LRP1B: variants seen among roughly 807,000 people sequenced by gnomAD.
LRP1B encodes the protein low-density lipoprotein receptor-related protein 1B.
A neutral mutation model predicts 556.6 loss-of-function variants in LRP1B; 217 were observed. The observed-to-expected ratio is 0.39, with a 90% CI of 0.35 to 0.44. LRP1B has a LOEUF of 0.44. Ranked by LOEUF, LRP1B falls within the 20% of genes least tolerant of loss-of-function variation. The pLI is 1.00. For synonymous variants in LRP1B, 2,047 were observed against 1,865.8 expected (o/e 1.10, Z -2.50); for missense variants, 5,053 against 5,620.8 (o/e 0.90, Z 3.23).
At chr2:140,843,825 T>C (rs1393713461) in intron 29 of LRP1B, among the ~76,000 whole-genome samples, 1 of 152,216 alleles carries the variant, frequency 6.6e-6, no homozygotes, top group Non-Finnish European at 1.5e-5. Context: ...ACTTTGCTAA[T>C]ATATAACTAC....
chr2:141,462,377 C>T (rs1301038761), intron 3 of LRP1B, among the ~76,000 whole-genome samples: 2 of 152,032 alleles, frequency 1.3e-5, no homozygotes, highest in Non-Finnish European at 2.9e-5. Flanking sequence ...ATACATTCTC[C>T]TCCTATTGTA....
chr2:140,298,415 T>C (rs1390327345), intron 83 of LRP1B, among the ~76,000 whole-genome samples: 2 of 152,150 alleles, frequency 1.3e-5, no homozygotes, highest in Non-Finnish European at 2.9e-5. Flanking sequence ...ACATAAAACA[T>C]TAGATTACAC....
At chr2:140,774,397 C>T (rs188214977) in intron 33 of LRP1B, among the ~76,000 whole-genome samples, 14 of 152,228 alleles carry the variant, frequency 9.2e-5, no homozygotes, top group Non-Finnish European at 1.5e-4. Context: ...GTAAAGTACA[C>T]TGAGCATCAT....
chr2:140,987,164 G>T (rs567666570), intron 17 of LRP1B, among the ~76,000 whole-genome samples: 1 of 152,034 alleles, frequency 6.6e-6, no homozygotes, highest in South Asian at 2.1e-4. Flanking sequence ...AAAGCAAAAG[G>T]CATGTTTATT....
intron 6 of LRP1B, among the ~76,000 whole-genome samples, chr2:141,195,691 G>T (rs1232344783): frequency 6.6e-6 from 1 of 152,028 alleles, no homozygotes; most frequent in African/African-American, 2.4e-5. Flanking sequence ...GCTCATAAAT[G>T]AACCCTGAGA....
chr2:141,318,276 T>C (rs1573798123), intron 3 of LRP1B, among the ~76,000 whole-genome samples: 2 of 152,250 alleles, frequency 1.3e-5, no homozygotes, highest in East Asian at 1.9e-4. Flanking sequence ...AAATGTGCTA[T>C]GGATACAAAC....
intron 2 of LRP1B, among the ~76,000 whole-genome samples, chr2:141,754,524 G>A (rs1694250514): frequency 6.6e-6 from 1 of 152,070 alleles, no homozygotes; most frequent in Non-Finnish European, 1.5e-5. Context: ...TGTAAGTTTA[G>A]AACGCCATTC....
chr2:142,120,644 A>G (rs1033441109), intron 1 of LRP1B, among the ~76,000 whole-genome samples: 2 of 152,174 alleles, frequency 1.3e-5, no homozygotes, highest in Non-Finnish European at 2.9e-5. Flanking sequence ...TCATAGGCCA[A>G]TGCCTGTTTC....
At chr2:140,971,450 C>T (rs2091300) in intron 18 of LRP1B, among the ~76,000 whole-genome samples, 128,871 of 152,204 alleles carry the variant, frequency 0.85, 55,108 homozygotes, top group Non-Finnish European at 0.9. Context: ...TTTTAAGCCA[C>T]CACATTTGCA....
intron 1 of LRP1B, among the ~76,000 whole-genome samples, chr2:141,891,761 A>G (rs1296492806): frequency 6.6e-6 from 1 of 152,122 alleles, no homozygotes. Flanking sequence ...ACTTAGATAT[A>G]CATCTGCTAT....
intron 84 of LRP1B, among the ~76,000 whole-genome samples, chr2:140,284,514 T>C (rs1422460596): frequency 2.0e-5 from 3 of 151,622 alleles, no homozygotes; most frequent in South Asian, 4.1e-4. Flanking sequence ...TCTCACCTCA[T>C]CATAGTGAGA....
intron 62 of LRP1B, among the ~76,000 whole-genome samples, chr2:140,452,967 T>G (rs2105317293): frequency 6.7e-6 from 1 of 149,832 alleles, no homozygotes; most frequent in Non-Finnish European, 1.5e-5. Context: ...GTGTGTTTTT[T>G]TTTTTTTTTT....
At chr2:141,864,813 C>T (rs374958725) in intron 1 of LRP1B, among the ~76,000 whole-genome samples, 13 of 152,116 alleles carry the variant, frequency 8.5e-5, no homozygotes, top group African/African-American at 2.2e-4. Context: ...ATCCAGGAGG[C>T]GGAGGCTGCA....
chr2:141,770,222 A>G (rs550956902), intron 2 of LRP1B, among the ~76,000 whole-genome samples: 3 of 151,300 alleles, frequency 2.0e-5, no homozygotes, highest in African/African-American at 4.9e-5. Flanking sequence ...TTTTGCATCT[A>G]TGCTTTCTCT....
At chr2:141,738,976 A>G (rs1467385622) in intron 2 of LRP1B, among the ~76,000 whole-genome samples, 6 of 152,254 alleles carry the variant, frequency 3.9e-5, no homozygotes, top group African/African-American at 1.4e-4. Context: ...ACACAGACAC[A>G]TTGCAAAATA....
chr2:141,059,951 A>C (rs544196203), intron 8 of LRP1B, among the ~76,000 whole-genome samples: 2 of 151,812 alleles, frequency 1.3e-5, no homozygotes, highest in East Asian at 3.9e-4. Context: ...TTTGCTGTAG[A>C]GATTTTGTTG....
At chr2:141,399,963 A>T (rs4258750) in intron 3 of LRP1B, among the ~76,000 whole-genome samples, 2 of 151,980 alleles carry the variant, frequency 1.3e-5, no homozygotes, top group Admixed American at 1.3e-4. Context: ...CATCTACATT[A>T]TCTTTTTTGT....
At chr2:142,124,905 G>T (rs1214019739) in intron 1 of LRP1B, among the ~76,000 whole-genome samples, 1 of 150,964 alleles carries the variant, frequency 6.6e-6, no homozygotes, top group East Asian at 1.9e-4. Flanking sequence ...TTTTTTTACA[G>T]GATGTATGGC....
At chr2:141,814,707 CAAG>C (rs1696472817) in intron 1 of LRP1B, among the ~76,000 whole-genome samples, 3 of 152,070 alleles carry the variant, frequency 2.0e-5, no homozygotes. Context: ...TGGAGACATC[CAAG>C]AAGAAATATC....
Sources: allele counts gnomAD v4.1 joint callset (sites outside exome capture counted in the v4.1 genomes callset), GRCh38; gene constraint gnomAD v4.1.1; transcripts MANE v1.5; gene names NCBI Gene and HGNC (gene_info 2026-07-23, HGNC 2026-07-21).